SHANK2: variants seen among roughly 807,000 people sequenced by gnomAD.
SHANK2 encodes the protein SH3 and multiple ankyrin repeat domains 2, also known as SH3 and multiple ankyrin repeat domains protein 2.
A neutral mutation model predicts 133.7 loss-of-function variants in SHANK2; 43 were observed. The observed-to-expected ratio is 0.32, with a 90% confidence interval of 0.25 to 0.41. The LOEUF (loss-of-function observed/expected upper bound fraction) is 0.41. Among genes scored for constraint, SHANK2 ranks in the 10% least tolerant of loss-of-function variants. SHANK2 has a pLI of 1.00. For missense variants in SHANK2, 1,994 were observed against 2,235.8 expected, an observed-to-expected ratio of 0.89 and a Z score of 2.18; for synonymous variants, 1,017 against 952.8, an observed-to-expected ratio of 1.07 and a Z score of -1.24.
At chr11:70,887,676 C>T (rs1317323199) in intron 11 of SHANK2, among the ~76,000 whole-genome samples, 1 of 152,102 alleles carries the variant, frequency 6.6e-6, no homozygotes, top group Non-Finnish European at 1.5e-5. Flanking sequence ...CCACTTGATC[C>T]TTTAAAGAGA....
At chr11:70,697,165 A>G (rs1474310452) in intron 15 of SHANK2, among the ~76,000 whole-genome samples, 1 of 152,234 alleles carries the variant, frequency 6.6e-6, no homozygotes, top group African/African-American at 2.4e-5. Flanking sequence ...TTTGCAAGAC[A>G]AAAGAGCTCT....
At chr11:70,838,107 C>T (rs544547186) in intron 11 of SHANK2, among the ~76,000 whole-genome samples, 13 of 152,136 alleles carry the variant, frequency 8.5e-5, no homozygotes, top group Admixed American at 5.9e-4. Context: ...TTTGCCTCAC[C>T]GTGTGAAATG....
intron 11 of SHANK2, among the ~76,000 whole-genome samples, chr11:70,831,697 T>C (rs1948728105): frequency 6.6e-6 from 1 of 152,170 alleles, no homozygotes; most frequent in Non-Finnish European, 1.5e-5. Context: ...CATTTCAAGG[T>C]GCTCTGAAGT....
At chr11:70,850,080 G>A (rs1949060824) in intron 11 of SHANK2, among the ~76,000 whole-genome samples, 1 of 152,112 alleles carries the variant, frequency 6.6e-6, no homozygotes. Context: ...GACCTCATAT[G>A]AGTAGACCAG....
At chr11:70,954,852 C>G (rs1405938183) in intron 10 of SHANK2, among the ~76,000 whole-genome samples, 4 of 152,216 alleles carry the variant, frequency 2.6e-5, no homozygotes, top group Non-Finnish European at 5.9e-5. Context: ...AACACGGGGT[C>G]TGGCATGCAG....
intron 17 of SHANK2, among the ~76,000 whole-genome samples, chr11:70,630,292 AG>A (rs1461344998): frequency 5.3e-5 from 8 of 152,204 alleles, no homozygotes; most frequent in Non-Finnish European, 1.2e-4. Flanking sequence ...AAGGCTGGTC[AG>A]CCCCCAGGAC....
At chr11:70,701,607 T>A (rs909187706) in intron 14 of SHANK2, among the ~76,000 whole-genome samples, 14 of 152,012 alleles carry the variant, frequency 9.2e-5, no homozygotes, top group Non-Finnish European at 1.2e-4. Flanking sequence ...GGTTTCACCG[T>A]GTTAGCCAGG....
chr11:70,717,892 G>A (rs1221388928), intron 14 of SHANK2, among the ~76,000 whole-genome samples: 2 of 152,122 alleles, frequency 1.3e-5, no homozygotes, highest in African/African-American at 4.8e-5. Context: ...GAAGAAAGAT[G>A]GCTCCGGGAA....
chr11:70,768,218 A>T (rs1947168074), intron 14 of SHANK2, among the ~76,000 whole-genome samples: 1 of 152,218 alleles, frequency 6.6e-6, no homozygotes, highest in South Asian at 2.1e-4. Context: ...CTACTGGGGC[A>T]GAGGCCATGT....
chr11:71,081,979 G>A (rs1210722971), intron 8 of SHANK2, among the ~76,000 whole-genome samples: 2 of 152,224 alleles, frequency 1.3e-5, no homozygotes, highest in Non-Finnish European at 2.9e-5. Context: ...TGCAGTACCT[G>A]CCAGCACCCA....
Position 70,472,838 on chromosome 11 carries a change from G to T in SHANK2, c.*31C>A. The T allele has an allele frequency of 6.2e-7, 1 of 1,600,162 alleles. No homozygotes were observed. The highest frequency in any genetic ancestry group is 1.1e-5 in the South Asian group (1 of 90,712). On this transcript the variant is annotated 3_prime_UTR_variant, in exon 26 of 26. Transcript: ENST00000601538. The surrounding 1 kb of genome is among the most constrained non-coding windows in gnomAD (Gnocchi z 4.4). ...ACGAGCCCATCTCTACTTATAACAA[G>T]AGCAGTCTGCGAGGTGGAGAGCAGC...
intron 1 of SHANK2, among the ~76,000 whole-genome samples, chr11:71,232,241 G>T (rs1203645916): frequency 4.6e-5 from 7 of 152,208 alleles, no homozygotes; most frequent in African/African-American, 1.7e-4. Context: ...GTGGAAGGAA[G>T]TGTGTCAGGC....
chr11:70,548,889 A>T (rs2059729214), intron 17 of SHANK2, among the ~76,000 whole-genome samples: 1 of 152,124 alleles, frequency 6.6e-6, no homozygotes, highest in South Asian at 2.1e-4. Context: ...TGATGCAGAG[A>T]TGGGGGCTGC....
intron 17 of SHANK2, among the ~76,000 whole-genome samples, chr11:70,601,288 C>G (rs1178009752): frequency 6.6e-6 from 1 of 151,506 alleles, no homozygotes; most frequent in African/African-American, 2.4e-5. Flanking sequence ...GGCACGATCT[C>G]GGCTCACTGC....
intron 14 of SHANK2, among the ~76,000 whole-genome samples, chr11:70,735,069 G>A (rs1664200): frequency 6.6e-6 from 1 of 152,224 alleles, no homozygotes; most frequent in Non-Finnish European, 1.5e-5. Context: ...CCCCTCCATC[G>A]CGGGGTCAGT....
At chr11:70,931,921 A>G (rs1468915682) in intron 10 of SHANK2, among the ~76,000 whole-genome samples, 3 of 152,258 alleles carry the variant, frequency 2.0e-5, no homozygotes, top group Non-Finnish European at 2.9e-5. Flanking sequence ...AAGCCTGTAG[A>G]AATCCTAGCA....
At chr11:71,176,541 A>AT (rs1414126203) in intron 2 of SHANK2, among the ~76,000 whole-genome samples, 3 of 152,220 alleles carry the variant, frequency 2.0e-5, no homozygotes, top group South Asian at 2.1e-4. Context: ...ACTTCCAAAG[A>AT]TAAAAACTAC....
chr11:71,170,451 C>T (rs1391190565), intron 2 of SHANK2, among the ~76,000 whole-genome samples: 2 of 152,182 alleles, frequency 1.3e-5, no homozygotes, highest in Non-Finnish European at 2.9e-5. Flanking sequence ...TAAACTCAGC[C>T]GTGTCTGGTG....
intron 9 of SHANK2, among the ~76,000 whole-genome samples, chr11:71,065,714 G>A (rs1951044774): frequency 6.8e-6 from 1 of 146,850 alleles, no homozygotes; most frequent in African/African-American, 2.5e-5. Context: ...ACAGTGAGTG[G>A]GGAAGTTGGG....
Sources: allele counts gnomAD v4.1 joint callset (sites outside exome capture counted in the v4.1 genomes callset), GRCh38; gene constraint gnomAD v4.1.1; non-coding constraint Gnocchi (gnomAD v3.1); transcripts MANE v1.5; gene names NCBI Gene and HGNC (gene_info 2026-07-23, HGNC 2026-07-21).